BLK: variants seen among roughly 807,000 people sequenced by gnomAD.
BLK encodes tyrosine-protein kinase Blk.
BLK carries 64 observed loss-of-function variants against 61.8 expected under a neutral mutation model. The observed-to-expected ratio is 1.03, with a 90% CI of 0.85 to 1.27. The LOEUF (loss-of-function observed/expected upper bound fraction) is 1.27, where lower values mean the gene tolerates loss of function less well. BLK is among the 50% of genes most tolerant of loss of function. BLK has a pLI of 0.00. For missense variants in BLK, 853 were observed against 660.5 expected (o/e 1.29, Z -3.19); for synonymous variants, 351 against 272.0 (o/e 1.29, Z -2.86).
intron 1 of BLK, among the ~76,000 whole-genome samples, chr8:11,541,240 C>T (rs991517611): frequency 3.0e-4 from 45 of 152,140 alleles, no homozygotes; most frequent in Non-Finnish European, 5.9e-4. Context: ...GGGACTCCAG[C>T]GTAGGCAACA....
intron 8 of BLK, chr8:11,556,219 G>C (rs900994140): frequency 6.9e-6 from 2 of 291,280 alleles, no homozygotes; most frequent in African/African-American, 4.3e-5. Flanking sequence ...AGTTTAAGGA[G>C]TGGGACAGGA....
At chr8:11,525,356 T>A (rs1164635152) in intron 1 of BLK, among the ~76,000 whole-genome samples, 1 of 152,206 alleles carries the variant, frequency 6.6e-6, no homozygotes, top group South Asian at 2.1e-4. Context: ...TCCCCAGAAG[T>A]CTCACTGTTA....
chr8:11,535,857 A>C (rs963092296), intron 1 of BLK, among the ~76,000 whole-genome samples: 3 of 152,226 alleles, frequency 2.0e-5, no homozygotes, highest in Non-Finnish European at 2.9e-5. Flanking sequence ...GAAGGACGAG[A>C]GGGAAGAGCA....
rs764375537 is a variant in BLK at position 11,564,290 on chromosome 8, C to T, written c.*182C>T. On this transcript the variant is annotated 3_prime_UTR_variant, in exon 13 of 13. Transcript: ENST00000259089. Reference sequence around the variant, plus strand: ...CGGACTCCTTCACCGACTGCACCCCCGGGCGAGTTACGCGGCCTCTCTGTG... The same window carrying T: ...CGGACTCCTTCACCGACTGCACCCCTGGGCGAGTTACGCGGCCTCTCTGTG... The T allele has an allele frequency of 2.0e-5, 15 of 765,432 alleles. No individual in the cohort carries two copies. In the South Asian group the frequency reaches 2.2e-4, roughly 11 times the overall value. 47.4% of individuals were successfully genotyped at this position (765,432 alleles called of 1,614,324 possible). A position where few individuals can be genotyped will look rare whatever the true frequency, so the allele number is the denominator to read the frequency against.
At chr8:11,552,894 ACACATG>A (rs1047334849) in intron 6 of BLK, 2 of 152,610 alleles carry the variant, frequency 1.3e-5, no homozygotes, top group African/African-American at 4.8e-5. Flanking sequence ...ACACGCACAT[ACACATG>A]CACACATGAA....
intron 8 of BLK, chr8:11,555,696 G>A: frequency 1.4e-6 from 1 of 740,040 alleles, no homozygotes; most frequent in Admixed American, 2.2e-5. Flanking sequence ...TGGTGGCAGA[G>A]CAGGAACAGA....
In BLK at chr8:11,555,603, G is replaced by A. The variant is rs1340085762; in HGVS notation, c.772+119G>A. 4.8e-6 allele frequency: 7 copies of A among 1,465,904 alleles called. No homozygotes were observed. The African/African-American group carries it at 7.0e-5, about 15-fold the overall frequency. The allele number at this position is 1,465,904 out of a possible 1,614,324, so 90.8% of individuals were successfully genotyped here. A position where few individuals can be genotyped will look rare whatever the true frequency, so the allele number is the denominator to read the frequency against. On this transcript the variant is annotated intron_variant, in intron 8 of 12. Transcript: ENST00000259089. ...TCCCCCAGAAGTCTTGAGAGGGAGC[G>A]AGGACAGAGGCGAGGACACTCATTT...
intron 1 of BLK, among the ~76,000 whole-genome samples, chr8:11,534,851 A>G (rs1800046771): frequency 6.6e-6 from 1 of 152,174 alleles, no homozygotes; most frequent in Admixed American, 6.5e-5. Context: ...TAGTGCTGGG[A>G]AAAGATTCTG....
chr8:11,551,629 C>G (rs1300781406), intron 6 of BLK, among the ~76,000 whole-genome samples: 1 of 152,144 alleles, frequency 6.6e-6, no homozygotes, highest in African/African-American at 2.4e-5. Context: ...TATACAGAAT[C>G]CCGGGTGTGA....
chr8:11,548,009 C>A, intron 3 of BLK, 23 bp from the exon 4 acceptor site: 1 of 1,606,170 alleles, frequency 6.2e-7, no homozygotes, highest in South Asian at 1.1e-5. Flanking sequence ...GAGTGGTGGT[C>A]ATCTCTCCCT....
At chr8:11,543,165 T>G in intron 1 of BLK, 59 bp from the exon 2 acceptor site, 2 of 1,610,970 alleles carry the variant, frequency 1.2e-6, no homozygotes, top group East Asian at 2.2e-5. Flanking sequence ...ATCCCCTCTG[T>G]GCAGAGGATC....
chr8:11,512,193 G>C (rs1274992461), intron 1 of BLK, among the ~76,000 whole-genome samples: 3 of 152,334 alleles, frequency 2.0e-5, no homozygotes, highest in African/African-American at 7.2e-5. Context: ...ATCAGAAGAA[G>C]GGATGACTTA....
chr8:11,507,516 C>T (rs10091586), intron 1 of BLK, among the ~76,000 whole-genome samples: 2,535 of 152,278 alleles, frequency 0.017, 73 homozygotes, highest in African/African-American at 0.059. Context: ...TAAAAGAAGG[C>T]AAGTCACGCT....
intron 3 of BLK, 38 bp downstream of exon 3, chr8:11,546,141 C>A (rs1800631264): frequency 3.7e-6 from 6 of 1,610,058 alleles, no homozygotes; most frequent in Non-Finnish European, 5.1e-6. Context: ...GCTCCACAGC[C>A]CTCTCCCCTA....
chr8:11,548,714 C>G (rs1460729600), intron 4 of BLK, among the ~76,000 whole-genome samples: 1 of 152,234 alleles, frequency 6.6e-6, no homozygotes, highest in African/African-American at 2.4e-5. Flanking sequence ...CCGTGTTTTT[C>G]TCAAGCCTGT....
rs755802217 is a variant in BLK, at chr8:11,563,138, C to T, written c.1312+28C>T. ...AGGTGGCTCACCCCGCAGCTCGCGG[C>T]TCCCTGCTTTCCCGGCCGGCCCTGA... On this transcript the variant is annotated intron_variant, in intron 12 of 12. Coordinates refer to ENST00000259089, the MANE Select transcript of BLK (RefSeq NM_001715.3). 37 of 1,613,050 alleles carry T rather than the reference C, an allele frequency of 2.3e-5. No homozygotes were observed. The South Asian group carries it at 2.9e-4, about 12-fold the overall frequency.
intron 1 of BLK, among the ~76,000 whole-genome samples, chr8:11,510,092 G>C (rs977275539): frequency 6.6e-6 from 1 of 152,178 alleles, no homozygotes; most frequent in Non-Finnish European, 1.5e-5. Context: ...AGCAGGTGAT[G>C]ATTGAAAAAA....
intron 1 of BLK, among the ~76,000 whole-genome samples, chr8:11,535,308 GAA>G (rs1285512787): frequency 2.1e-5 from 3 of 142,454 alleles, no homozygotes; most frequent in Non-Finnish European, 3.1e-5. Context: ...AAGAAAGAAA[GAA>G]AGAAAGAAAG....
chr8:11,507,479 C>T (rs183377506), intron 1 of BLK, among the ~76,000 whole-genome samples: 3 of 152,314 alleles, frequency 2.0e-5, no homozygotes, highest in South Asian at 2.1e-4. Context: ...GAAGACACCA[C>T]CCACCCTGAG....
Sources: gnomAD v4.1 joint callset for allele counts (sites outside exome capture counted in the v4.1 genomes callset) on GRCh38, gnomAD v4.1.1 for gene constraint, MANE v1.5 for transcripts, NCBI Gene and HGNC (gene_info 2026-07-23, HGNC 2026-07-21) for gene names.